Variants in MAF observed in about 807,000 individuals in gnomAD.
MAF encodes MAF bZIP transcription factor.
A neutral mutation model predicts 22.0 loss-of-function variants in MAF; 10 were observed. The ratio of observed to expected loss-of-function variants is 0.45; its 90% CI spans 0.28 to 0.77. The LOEUF is 0.77. Ranked by LOEUF, MAF falls within the 30% of genes least tolerant of loss-of-function variation. MAF has a pLI of 0.12. For missense variants in MAF, 544 were observed against 548.4 expected (o/e 0.99, Z 0.08); for synonymous variants, 337 against 255.8 (o/e 1.32, Z -3.03).
At chr16:79,253,799 C>T in the MAF span, among the ~76,000 whole-genome samples, 1 of 152,012 alleles carries the variant, frequency 6.6e-6, no homozygotes. Flanking sequence ...TATCACACCT[C>T]CTGTTCTGAG....
chr16:79,433,970 A>T, the MAF span, among the ~76,000 whole-genome samples: 1 of 152,106 alleles, frequency 6.6e-6, no homozygotes, highest in Non-Finnish European at 1.5e-5. Context: ...TTCTTCTACC[A>T]GGCCCCACCA....
chr16:79,488,066 A>G, the MAF span, among the ~76,000 whole-genome samples: 1 of 152,202 alleles, frequency 6.6e-6, no homozygotes, highest in East Asian at 1.9e-4. Flanking sequence ...AGAAGTCTCA[A>G]GACTTAAAAA....
At chr16:79,502,779 T>A in the MAF span, among the ~76,000 whole-genome samples, 1 of 136,388 alleles carries the variant, frequency 7.3e-6, no homozygotes, top group African/African-American at 2.9e-5. Flanking sequence ...TCAATGAGGG[T>A]TTGCCTGTGG....
the MAF span, among the ~76,000 whole-genome samples, chr16:79,423,821 T>A: frequency 6.6e-6 from 1 of 152,164 alleles, no homozygotes; most frequent in African/African-American, 2.4e-5. Context: ...TAACCTAGCC[T>A]CCACCTTTCT....
the MAF span, among the ~76,000 whole-genome samples, chr16:79,459,801 T>G: frequency 6.6e-6 from 1 of 152,178 alleles, no homozygotes; most frequent in East Asian, 1.9e-4. Context: ...TGGACTCAAG[T>G]GATCTGCCTG....
At chr16:79,229,487 T>C in the MAF span, 1 of 152,134 alleles carries the variant, frequency 6.6e-6, no homozygotes, top group Non-Finnish European at 1.5e-5. Context: ...GGACCGCCTG[T>C]CCTGGCAGAG....
At chr16:79,478,085 A>G in the MAF span, among the ~76,000 whole-genome samples, 1 of 152,200 alleles carries the variant, frequency 6.6e-6, no homozygotes, top group East Asian at 1.9e-4. Context: ...ATAAATAAGA[A>G]GACTAAAGCT....
At chr16:79,361,127 G>C in the MAF span, among the ~76,000 whole-genome samples, 1 of 152,188 alleles carries the variant, frequency 6.6e-6, no homozygotes. Context: ...CAAGGAACAG[G>C]AATCAGTAGT....
chr16:79,256,342 A>G, the MAF span, among the ~76,000 whole-genome samples: 2 of 152,092 alleles, frequency 1.3e-5, no homozygotes, highest in Non-Finnish European at 2.9e-5. Context: ...TAAATCGAGC[A>G]GGTAGATCAC....
At chr16:79,439,407 G>A in the MAF span, among the ~76,000 whole-genome samples, 1 of 151,508 alleles carries the variant, frequency 6.6e-6, no homozygotes, top group Non-Finnish European at 1.5e-5. Context: ...GACCACAGGC[G>A]CCCGTCACCA....
At chr16:79,314,828 C>T in the MAF span, among the ~76,000 whole-genome samples, 440 of 152,310 alleles carry the variant, frequency 2.9e-3, 4 homozygotes, top group African/African-American at 1.0e-2. Flanking sequence ...TCCTAGAAGG[C>T]AGAGGGACAT....
the MAF span, among the ~76,000 whole-genome samples, chr16:79,471,514 A>G: frequency 2.0e-5 from 3 of 152,146 alleles, no homozygotes; most frequent in African/African-American, 7.2e-5. Context: ...TCTCTAGAAA[A>G]AAACCCACAA....
the MAF span, among the ~76,000 whole-genome samples, chr16:79,474,173 T>C: frequency 6.6e-6 from 1 of 152,134 alleles, no homozygotes; most frequent in African/African-American, 2.4e-5. Flanking sequence ...TTGTGGTCTT[T>C]AAATTAAAGC....
chr16:79,589,422 G>C (rs1288470488), downstream of MAF, among the ~76,000 whole-genome samples: 1 of 152,060 alleles, frequency 6.6e-6, no homozygotes, highest in African/African-American at 2.4e-5. Context: ...TTTTAAACAT[G>C]CTATCTGGAT....
At chr16:79,591,671 G>T (rs151332700), downstream of MAF, among the ~76,000 whole-genome samples, 1 of 152,156 alleles carries the variant, frequency 6.6e-6, no homozygotes, top group Admixed American at 6.5e-5. Flanking sequence ...ATTTCTGTGC[G>T]TCGTTGGTTT....
chr16:79,506,110 A>G, the MAF span, among the ~76,000 whole-genome samples: 2 of 152,302 alleles, frequency 1.3e-5, no homozygotes, highest in East Asian at 3.9e-4. Context: ...TTGATCCCCA[A>G]GAGTGAAATA....
the MAF span, among the ~76,000 whole-genome samples, chr16:79,286,811 T>C: frequency 6.6e-6 from 1 of 152,204 alleles, no homozygotes; most frequent in Non-Finnish European, 1.5e-5. Context: ...CACAGCTTTG[T>C]GTGCCTCTGC....
the MAF span, among the ~76,000 whole-genome samples, chr16:79,246,826 G>GTCCA: frequency 0.12 from 18,830 of 151,866 alleles, 1,411 homozygotes; most frequent in Middle Eastern, 0.19. Flanking sequence ...GTGTCCATCT[G>GTCCA]TCCATCCATC....
At chr16:79,507,248 G>GGA in the MAF span, among the ~76,000 whole-genome samples, 1 of 150,722 alleles carries the variant, frequency 6.6e-6, no homozygotes, top group Non-Finnish European at 1.5e-5. Flanking sequence ...CAAGTAGCTG[G>GGA]GATTACAGGT....
Sources: allele counts gnomAD v4.1 joint callset (sites outside exome capture counted in the v4.1 genomes callset), GRCh38; gene constraint gnomAD v4.1.1; transcripts MANE v1.5; gene names NCBI Gene and HGNC (gene_info 2026-07-23, HGNC 2026-07-21).